Variants in MACROD2 observed in about 807,000 individuals in gnomAD.
The protein encoded by MACROD2 is mono-ADP ribosylhydrolase 2.
Under a neutral mutation model 70.4 loss-of-function variants are expected in MACROD2, and 36 were observed. That is an observed-to-expected ratio of 0.51 (90% CI 0.39 to 0.68). The LOEUF is 0.68. Among genes scored for constraint, MACROD2 ranks in the 30% least tolerant of loss-of-function variants. The pLI, the probability that MACROD2 is intolerant of heterozygous loss-of-function variation, is 0.00. For missense variants in MACROD2, 496 were observed against 538.4 expected, an observed-to-expected ratio of 0.92 and a Z score of 0.78; for synonymous variants, 172 against 178.8, an observed-to-expected ratio of 0.96 and a Z score of 0.30.
intron 3 of MACROD2, among the ~76,000 whole-genome samples, chr20:14,310,393 A>G (rs978427335): frequency 4.6e-5 from 7 of 152,152 alleles, no homozygotes; most frequent in Non-Finnish European, 7.4e-5. Context: ...GATGGACTAC[A>G]TATACAATCA....
intron 5 of MACROD2, among the ~76,000 whole-genome samples, chr20:15,020,800 C>T (rs1288794822): frequency 6.6e-6 from 1 of 151,872 alleles, no homozygotes; most frequent in Non-Finnish European, 1.5e-5. Flanking sequence ...AGCAAAAATA[C>T]AGTATTATAA....
At chr20:14,586,461 A>G (rs536177062) in intron 4 of MACROD2, among the ~76,000 whole-genome samples, 9 of 152,260 alleles carry the variant, frequency 5.9e-5, no homozygotes, top group Admixed American at 4.6e-4. Flanking sequence ...AGGAATGAAT[A>G]CTTTCTGCTA....
intron 3 of MACROD2, among the ~76,000 whole-genome samples, chr20:14,205,418 C>T (rs1016053779): frequency 2.0e-5 from 3 of 152,164 alleles, no homozygotes; most frequent in Non-Finnish European, 1.5e-5. Context: ...AGCAGGTTGC[C>T]GGTTGCCCCC....
chr20:14,857,545 G>A (rs2073268009), intron 5 of MACROD2, among the ~76,000 whole-genome samples: 1 of 152,150 alleles, frequency 6.6e-6, no homozygotes, highest in Admixed American at 6.5e-5. Flanking sequence ...TGACAAGGGA[G>A]CCCTGCCTTA....
intron 3 of MACROD2, among the ~76,000 whole-genome samples, chr20:14,434,587 T>C (rs953114127): frequency 1.3e-5 from 2 of 152,190 alleles, no homozygotes; most frequent in Non-Finnish European, 2.9e-5. Context: ...CAACCTAAGG[T>C]GAGTCAAGCA....
At chr20:14,716,284 CT>C (rs1200669322) in intron 5 of MACROD2, among the ~76,000 whole-genome samples, 1 of 152,162 alleles carries the variant, frequency 6.6e-6, no homozygotes, top group Non-Finnish European at 1.5e-5. Context: ...TAAAGCTCAT[CT>C]TTTCAAGCCC....
intron 4 of MACROD2, among the ~76,000 whole-genome samples, chr20:14,602,089 A>G (rs190624806): frequency 3.4e-4 from 52 of 152,300 alleles, no homozygotes; most frequent in Middle Eastern, 3.4e-3. Flanking sequence ...TCTCACGACC[A>G]GGAAAAATTA....
intron 17 of MACROD2, among the ~76,000 whole-genome samples, chr20:16,049,246 T>C (rs2067425162): frequency 6.6e-6 from 1 of 152,076 alleles, no homozygotes; most frequent in African/African-American, 2.4e-5. Flanking sequence ...CAAAACAGAT[T>C]GAAATGTATG....
intron 6 of MACROD2, among the ~76,000 whole-genome samples, chr20:15,348,817 ACTACATGTGGGAATTATGGGAG>A (rs1442201458): frequency 6.6e-6 from 1 of 152,108 alleles, no homozygotes; most frequent in African/African-American, 2.4e-5. Flanking sequence ...TTGAATTCCC[ACTACATGTGGGAATTATGGGAG>A]CTACAATTCA....
At chr20:14,004,400 C>G (rs2148611654) in intron 2 of MACROD2, among the ~76,000 whole-genome samples, 1 of 152,274 alleles carries the variant, frequency 6.6e-6, no homozygotes, top group Middle Eastern at 3.4e-3. Context: ...TGAAAGTCCT[C>G]CATGGGGAAC....
At chr20:14,844,421 A>G (rs447564) in intron 5 of MACROD2, among the ~76,000 whole-genome samples, 86,808 of 151,608 alleles carry the variant, frequency 0.57, 26,166 homozygotes, top group Non-Finnish European at 0.67. Flanking sequence ...GGAGGCTGAG[A>G]CGGGAGAATC....
intron 6 of MACROD2, among the ~76,000 whole-genome samples, chr20:15,286,062 A>C (rs796516853): frequency 6.6e-6 from 1 of 152,144 alleles, no homozygotes; most frequent in African/African-American, 2.4e-5. Flanking sequence ...TTGGAAAAAA[A>C]AATGTAAAAT....
intron 8 of MACROD2, among the ~76,000 whole-genome samples, chr20:15,798,234 T>C (rs2063692799): frequency 6.6e-6 from 1 of 152,202 alleles, no homozygotes; most frequent in African/African-American, 2.4e-5. Flanking sequence ...CTCTTCCCTG[T>C]CCCACAATGT....
chr20:14,767,554 CT>C (rs1468641417), intron 5 of MACROD2, among the ~76,000 whole-genome samples: 3 of 151,898 alleles, frequency 2.0e-5, no homozygotes, highest in African/African-American at 7.3e-5. Flanking sequence ...TGCTGTGCCC[CT>C]AGGAACCCAC....
chr20:15,152,637 G>A (rs187661558), intron 5 of MACROD2, among the ~76,000 whole-genome samples: 1 of 100,128 alleles, frequency 1.0e-5, no homozygotes, highest in African/African-American at 3.7e-5. Flanking sequence ...GCGGAGAAGG[G>A]GTAGAGACAC....
At chr20:15,106,040 A>G (rs1165395575) in intron 5 of MACROD2, among the ~76,000 whole-genome samples, 3 of 152,212 alleles carry the variant, frequency 2.0e-5, no homozygotes, top group Non-Finnish European at 4.4e-5. Context: ...TAATCTTTTC[A>G]TATTGCATTA....
chr20:14,642,865 A>G (rs1985172786), intron 4 of MACROD2, among the ~76,000 whole-genome samples: 1 of 152,160 alleles, frequency 6.6e-6, no homozygotes. Flanking sequence ...ACAGAGACAC[A>G]AAGTAAGCAT....
rs375556525 is a variant in MACROD2 at position 14,315,043 on chromosome 20, T to C, written c.272-178436T>C. Among the ~76,000 whole-genome samples, 7 of 152,242 alleles carry C rather than the reference T, an allele frequency of 4.6e-5. No individual in the cohort carries two copies. The East Asian group carries it at 1.2e-3, about 25-fold the overall frequency. On this transcript the variant is annotated intron_variant, in intron 3 of 17. Transcript: ENST00000684519. ...CATTATCTCAAATATGAATTGTATA[T>C]ATAATTTAATAGTGTTCTGGTGTAT...
chr20:14,811,489 C>G (rs1468194629), intron 5 of MACROD2, among the ~76,000 whole-genome samples: 3 of 152,002 alleles, frequency 2.0e-5, no homozygotes, highest in Non-Finnish European at 4.4e-5. Flanking sequence ...AGAGGAAAAC[C>G]TAGGCAATAT....
Sources: allele counts gnomAD v4.1 joint callset (sites outside exome capture counted in the v4.1 genomes callset), GRCh38; gene constraint gnomAD v4.1.1; transcripts MANE v1.5; gene names NCBI Gene and HGNC (gene_info 2026-07-23, HGNC 2026-07-21).